Variants in TTC3 observed in about 807,000 individuals in gnomAD.
TTC3 encodes tetratricopeptide repeat domain 3, also known as E3 ubiquitin-protein ligase TTC3.
In TTC3, 180 loss-of-function variants were observed where a neutral mutation model predicts 249.6. That is an observed-to-expected ratio of 0.72 (90% CI 0.64 to 0.82). The LOEUF is 0.82. TTC3 is among the 40% of genes least tolerant of loss of function. TTC3 has a pLI of 0.00. For synonymous variants in TTC3, 717 were observed against 805.0 expected (o/e 0.89, Z 1.85); for missense variants, 2,061 against 2,398.4 (o/e 0.86, Z 2.94).
chr21:37,079,234 C>G (rs766836352), intron 1 of TTC3, among the ~76,000 whole-genome samples: 3 of 152,080 alleles, frequency 2.0e-5, no homozygotes, highest in Non-Finnish European at 4.4e-5. Flanking sequence ...TCTTTATTGG[C>G]TGTCTTATCT....
rs557117426 is a variant in TTC3, at chr21:37,151,577, G to A, written c.2277-316G>A. Reference sequence around the variant, plus strand: ...TATGGGACCTTTCTTAGAAATGAGAGTTTACATGAATTATTTTGCAGAGTA... The same window carrying A: ...TATGGGACCTTTCTTAGAAATGAGAATTTACATGAATTATTTTGCAGAGTA... On this transcript the variant is annotated intron_variant, in intron 25 of 45. Transcript: ENST00000355666. Among the ~76,000 whole-genome samples the A allele has an allele frequency of 2.0e-5, 3 of 152,184 alleles. No homozygotes were observed. The East Asian group carries it at 5.8e-4, about 29-fold the overall frequency.
chr21:37,166,391 G>A (rs146459243), exon 33 of TTC3: 17 of 1,614,210 alleles, frequency 1.1e-5, no homozygotes, highest in Non-Finnish European at 1.4e-5. Flanking sequence ...TTTGAATGCT[G>A]AGAATGTTGC....
At chr21:37,088,368 A>G (rs946848957) in intron 4 of TTC3, 22 bp downstream of exon 4, 1 of 1,596,018 alleles carries the variant, frequency 6.3e-7, no homozygotes, top group African/African-American at 1.3e-5. Flanking sequence ...TATGTTGCTC[A>G]TTTTGTGTGG....
Position 37,108,009 on chromosome 21 carries a change from C to T in TTC3, c.846-383C>T, listed in dbSNP as rs557322298. ...CTGAGGCAGGAGAATCACTTGAACC[C>T]GGGAGGCAAAGGTTGCAGTGAGCCA... On this transcript the variant is annotated intron_variant, in intron 10 of 45. Transcript: ENST00000355666. The T allele has an allele frequency of 1.4e-3, 227 of 157,518 alleles. 2 individuals carry two copies. The highest frequency in any genetic ancestry group is 4.9e-3 in the African/African-American group (205 of 41,552). 9.8% of individuals were successfully genotyped at this position (157,518 alleles called of 1,614,324 possible).
chr21:37,187,120 GTCAT>G lies in TTC3; in HGVS notation c.4899_4902del (p.His1634ArgfsTer33). 1 of 1,579,360 alleles carries G rather than the reference GTCAT, an allele frequency of 6.3e-7. No homozygotes were observed. Among genetic ancestry groups the G allele is most frequent in the Non-Finnish European group, 8.6e-7 (1 of 1,169,410 alleles). On this transcript the variant is annotated frameshift_variant, in exon 38 of 46. Coordinates refer to ENST00000355666, the Ensembl canonical transcript of TTC3. LOFTEE classifies it high-confidence loss of function. ...AAAGGGAAAGAGGATTATGAAGAGAGTCATCAGAGAGCTGTGGCTGCAGAGGTGA... is the reference window on the plus strand; with the variant it reads ...AAAGGGAAAGAGGATTATGAAGAGAGCAGAGAGCTGTGGCTGCAGAGGTGA...
intron 14 of TTC3, 74 bp from the exon 15 acceptor site, chr21:37,126,005 CT>C (rs1175037220): frequency 3.6e-6 from 5 of 1,384,558 alleles, no homozygotes; most frequent in Non-Finnish European, 3.9e-6. Flanking sequence ...ATTCTAAATT[CT>C]TTTATATAGC....
At chr21:37,192,487 A>T (rs541744859) in intron 41 of TTC3, among the ~76,000 whole-genome samples, 1 of 60,748 alleles carries the variant, frequency 1.6e-5, no homozygotes, top group Non-Finnish European at 3.2e-5. Flanking sequence ...CCTGTCTTCT[A>T]TCTTTGTGTG....
At chr21:37,158,068 C>A (rs1318438129) in intron 28 of TTC3, 1 of 969,504 alleles carries the variant, frequency 1.0e-6, no homozygotes, top group Non-Finnish European at 1.2e-6. Flanking sequence ...GGAAAGCTTA[C>A]TTTTGACAAC....
At chr21:37,154,594 C>T (rs1203665728) in intron 27 of TTC3, among the ~76,000 whole-genome samples, 2 of 152,234 alleles carry the variant, frequency 1.3e-5, no homozygotes, top group Non-Finnish European at 2.9e-5. Context: ...GTCAAGACTG[C>T]CAGCCACTGT....
intron 27 of TTC3, among the ~76,000 whole-genome samples, chr21:37,154,693 T>G (rs1601834762): frequency 6.7e-6 from 1 of 150,176 alleles, no homozygotes; most frequent in Admixed American, 6.6e-5. Context: ...GTGTTTTTTT[T>G]GTTTGTTTGT....
intron 39 of TTC3, among the ~76,000 whole-genome samples, chr21:37,190,599 G>T (rs1336762286): frequency 6.6e-6 from 1 of 152,128 alleles, no homozygotes; most frequent in African/African-American, 2.4e-5. Flanking sequence ...GCTCATCTGG[G>T]AAACAAAGAT....
intron 25 of TTC3, among the ~76,000 whole-genome samples, chr21:37,151,287 C>T (rs548149451): frequency 6.6e-6 from 1 of 152,066 alleles, no homozygotes; most frequent in East Asian, 1.9e-4. Context: ...CTATTTTTTA[C>T]CCTGAAATAC....
rs770850095 is a variant in TTC3 at position 37,166,616 on chromosome 21, G to C, written c.4401+1G>C. On this transcript the variant is annotated splice_donor_variant, in intron 33 of 45. Transcript: ENST00000355666. LOFTEE classifies it high-confidence loss of function. ...ACACGTGCAGATGGTTGCCATACAG[G>C]TAAGAGTTAAATAGAAAAGTCTTCT... is the stretch of plus-strand genomic sequence containing the variant. 1.9e-6 allele frequency: 3 copies of C among 1,601,268 alleles called. No individual in the cohort carries two copies. The highest frequency in any genetic ancestry group is 1.1e-5 in the South Asian group (1 of 90,464).
intron 11 of TTC3, among the ~76,000 whole-genome samples, chr21:37,117,162 G>A (rs986878705): frequency 2.6e-5 from 4 of 152,110 alleles, no homozygotes; most frequent in African/African-American, 4.8e-5. Flanking sequence ...AGATTTCTTC[G>A]CTTTTCCCCC....
At chr21:37,151,288 C>T (rs2079441929) in intron 25 of TTC3, among the ~76,000 whole-genome samples, 1 of 151,706 alleles carries the variant, frequency 6.6e-6, no homozygotes, top group Admixed American at 6.6e-5. Context: ...TATTTTTTAC[C>T]CTGAAATACT....
At chr21:37,100,547 C>T (rs2074378963) in intron 10 of TTC3, among the ~76,000 whole-genome samples, 1 of 152,058 alleles carries the variant, frequency 6.6e-6, no homozygotes, top group South Asian at 2.1e-4. Flanking sequence ...ATTTTAATGC[C>T]AAAATAGTCA....
intron 34 of TTC3, among the ~76,000 whole-genome samples, chr21:37,169,068 C>A (rs1445384136): frequency 2.1e-5 from 1 of 46,632 alleles, no homozygotes; most frequent in Admixed American, 2.7e-4. Flanking sequence ...TTTAGGAAGT[C>A]ACAAATTATC....
chr21:37,125,431 A>T (rs2076973179), intron 14 of TTC3, among the ~76,000 whole-genome samples: 1 of 152,216 alleles, frequency 6.6e-6, no homozygotes, highest in Non-Finnish European at 1.5e-5. Context: ...TATGCAATTT[A>T]TATGTCAATA....
intron 35 of TTC3, among the ~76,000 whole-genome samples, chr21:37,182,056 TTTAAA>T (rs2082809989): frequency 6.6e-6 from 1 of 152,234 alleles, no homozygotes; most frequent in Non-Finnish European, 1.5e-5. Flanking sequence ...TTGATTCACG[TTTAAA>T]TTAATTATTA....
Sources: gnomAD v4.1 joint callset for allele counts (sites outside exome capture counted in the v4.1 genomes callset) on GRCh38, gnomAD v4.1.1 for gene constraint, MANE v1.5 for transcripts, NCBI Gene and HGNC (gene_info 2026-07-23, HGNC 2026-07-21) for gene names.